Variants in MORC1 observed in about 807,000 individuals in gnomAD.
The protein encoded by MORC1 is MORC family CW-type zinc finger protein 1.
MORC1 carries 59 observed loss-of-function variants against 134.9 expected under a neutral mutation model. The ratio of observed to expected loss-of-function variants is 0.44; its 90% CI spans 0.35 to 0.54. MORC1 has a LOEUF of 0.54. Ranked by LOEUF, MORC1 falls within the 20% of genes least tolerant of loss-of-function variation. The pLI is 0.00. For missense variants in MORC1, 947 were observed against 1,134.5 expected (o/e 0.83, Z 2.37); for synonymous variants, 395 against 391.7 (o/e 1.01, Z -0.10).
chr3:109,069,573 G>A, intron 9 of MORC1, 59 bp downstream of exon 9: 2 of 1,451,624 alleles, frequency 1.4e-6, no homozygotes, highest in Non-Finnish European at 1.8e-6. Context: ...CAACTTTGGG[G>A]AGCATATCAA....
At chr3:109,085,069 G>A (rs1013419099) in intron 8 of MORC1, among the ~76,000 whole-genome samples, 2 of 151,884 alleles carry the variant, frequency 1.3e-5, no homozygotes, top group African/African-American at 2.4e-5. Context: ...GAAAACATTG[G>A]GGAAACTCTC....
At chr3:109,079,312 A>G (rs1041812497) in intron 8 of MORC1, among the ~76,000 whole-genome samples, 3 of 152,036 alleles carry the variant, frequency 2.0e-5, no homozygotes, top group African/African-American at 7.2e-5. Flanking sequence ...ATCACTCAAC[A>G]TCATAAACTC....
At chr3:109,050,087 G>A (rs910913384) in intron 14 of MORC1, among the ~76,000 whole-genome samples, 1 of 152,070 alleles carries the variant, frequency 6.6e-6, no homozygotes, top group African/African-American at 2.4e-5. Flanking sequence ...AGGAGACCCA[G>A]CTAACCCCTC....
intron 14 of MORC1, among the ~76,000 whole-genome samples, chr3:109,042,619 T>C (rs1470212733): frequency 6.6e-6 from 1 of 152,220 alleles, no homozygotes; most frequent in East Asian, 1.9e-4. Context: ...GTTAAAGAGA[T>C]ACCTGCACAC....
In MORC1 at chr3:109,063,236, A is replaced by G. The variant is rs770009790; in HGVS notation, c.816-5T>C. 4.0e-6 allele frequency: 6 copies of G among 1,510,696 alleles called. No homozygotes were observed. The Admixed American group carries it at 6.7e-5, about 17-fold the overall frequency. 93.6% of individuals were successfully genotyped at this position (1,510,696 alleles called of 1,614,324 possible). ...GATGTGACATAAAGATACTTTCTGG[A>G]AAGAAACAAAAAGAACATAATCAAG... On this transcript the variant is annotated splice_region_variant and splice_polypyrimidine_tract_variant and intron_variant, in intron 9 of 27. Transcript: ENST00000232603.
chr3:108,976,131 T>A (rs1947547331), intron 24 of MORC1, among the ~76,000 whole-genome samples: 1 of 152,172 alleles, frequency 6.6e-6, no homozygotes, highest in Admixed American at 6.5e-5. Context: ...TGACTGAGCA[T>A]AATTAGGTAA....
chr3:108,971,558 G>A (rs1576580380), intron 24 of MORC1, among the ~76,000 whole-genome samples, 156 bp from the exon 25 acceptor site: 1 of 152,268 alleles, frequency 6.6e-6, no homozygotes, highest in East Asian at 1.9e-4. Context: ...TGACATCAAA[G>A]TGTTCTTCAG....
At chr3:109,028,242 C>CA (rs35904862) in intron 16 of MORC1, among the ~76,000 whole-genome samples, 2 of 151,824 alleles carry the variant, frequency 1.3e-5, no homozygotes, top group African/African-American at 4.8e-5. Flanking sequence ...TTTCCCCCCC[C>CA]AAAAAAGGTA....
Position 109,063,132 on chromosome 3 carries a change from G to A in MORC1, c.895+20C>T, listed in dbSNP as rs767247709. ...TGAATGACTGAACAACAATGATGTA[G>A]GCTACAGGTAATCGCATACCAATCT... On this transcript the variant is annotated intron_variant, in intron 10 of 27. Transcript: ENST00000232603. 7 of 1,538,252 alleles carry A rather than the reference G, an allele frequency of 4.6e-6. No individual in the cohort carries two copies. The African/African-American group carries it at 8.2e-5, about 18-fold the overall frequency.
At position 109,099,473 on chromosome 3, in the gene MORC1, T is replaced by C. The variant is rs748201761; in HGVS notation, c.315-7A>G. Reference sequence around the variant, plus strand: ...TCCAATTCTCATGGACCCACTATATTAAAAATGAAGAACATCATGTTTTAC... The same window carrying C: ...TCCAATTCTCATGGACCCACTATATCAAAAATGAAGAACATCATGTTTTAC... On this transcript the variant is annotated splice_polypyrimidine_tract_variant and splice_region_variant and intron_variant, in intron 5 of 27. Transcript: ENST00000232603. 5 of 1,593,152 alleles carry C rather than the reference T, an allele frequency of 3.1e-6. No homozygotes were observed. The highest frequency in any genetic ancestry group is 4.3e-6 in the Non-Finnish European group (5 of 1,170,280).
chr3:108,986,833 A>G (rs1455682030), intron 22 of MORC1, 47 bp downstream of exon 22: 5 of 1,309,244 alleles, frequency 3.8e-6, no homozygotes, highest in Non-Finnish European at 5.2e-6. Context: ...AAATGTCTCA[A>G]ACATTATAGC....
intron 20 of MORC1, among the ~76,000 whole-genome samples, chr3:109,004,043 G>C (rs1287346471): frequency 1.3e-5 from 2 of 152,108 alleles, no homozygotes; most frequent in East Asian, 3.9e-4. Context: ...ACTCCAGCCT[G>C]GGCGACAGAG....
intron 7 of MORC1, among the ~76,000 whole-genome samples, chr3:109,093,942 G>A (rs1311281477): frequency 1.3e-5 from 2 of 152,116 alleles, no homozygotes; most frequent in African/African-American, 4.8e-5. Context: ...TTTAAACATT[G>A]TACAAATAAG....
chr3:109,054,430 G>C (rs1018653407), intron 14 of MORC1, among the ~76,000 whole-genome samples: 1 of 152,168 alleles, frequency 6.6e-6, no homozygotes, highest in Non-Finnish European at 1.5e-5. Context: ...CCCAGAGCAG[G>C]GTTTCTCAGT....
intron 17 of MORC1, among the ~76,000 whole-genome samples, chr3:109,011,811 G>A (rs1397480118): frequency 6.6e-6 from 1 of 152,126 alleles, no homozygotes; most frequent in Non-Finnish European, 1.5e-5. Flanking sequence ...GTGAGCCACT[G>A]AGCCCAGCCG....
chr3:109,002,974 C>T (rs1948444808), intron 20 of MORC1, among the ~76,000 whole-genome samples: 2 of 152,140 alleles, frequency 1.3e-5, no homozygotes, highest in Admixed American at 6.5e-5. Flanking sequence ...CTTAGAAGTG[C>T]TTTTCCTCCC....
chr3:109,038,498 A>C (rs534265375), intron 14 of MORC1, among the ~76,000 whole-genome samples: 2 of 152,210 alleles, frequency 1.3e-5, no homozygotes, highest in East Asian at 3.9e-4. Context: ...TGTTTTAGTC[A>C]TGAAGCCTTT....
At chr3:108,968,552 C>T (rs1947280731) in intron 26 of MORC1, among the ~76,000 whole-genome samples, 3 of 152,168 alleles carry the variant, frequency 2.0e-5, no homozygotes, top group Non-Finnish European at 4.4e-5. Context: ...ATTGTAATTG[C>T]TTCTTGGACT....
At chr3:109,084,942 A>G (rs534136983) in intron 8 of MORC1, among the ~76,000 whole-genome samples, 7 of 152,278 alleles carry the variant, frequency 4.6e-5, no homozygotes, top group African/African-American at 1.7e-4. Flanking sequence ...TTGAATATAC[A>G]TATGCAGAAG....
Sources: allele counts gnomAD v4.1 joint callset (sites outside exome capture counted in the v4.1 genomes callset), GRCh38; gene constraint gnomAD v4.1.1; transcripts MANE v1.5; gene names NCBI Gene and HGNC (gene_info 2026-07-23, HGNC 2026-07-21).